Variants in UBE3C observed in about 807,000 individuals in gnomAD.
UBE3C encodes ubiquitin protein ligase E3C, also known as ubiquitin-protein ligase E3C.
In UBE3C, 42 loss-of-function variants were observed where a neutral mutation model predicts 129.4. The observed-to-expected ratio is 0.32, with a 90% CI of 0.25 to 0.42. The LOEUF is 0.42. Ranked by LOEUF, UBE3C falls within the 10% of genes least tolerant of loss-of-function variation. The pLI, the probability that UBE3C is intolerant of heterozygous loss-of-function variation, is 1.00. For synonymous variants in UBE3C, 510 were observed against 492.4 expected, an observed-to-expected ratio of 1.04 and a Z score of -0.47; for missense variants, 1,049 against 1,319.1, an observed-to-expected ratio of 0.80 and a Z score of 3.17.
At chr7:157,159,336 AC>A (rs1403539430) in intron 1 of UBE3C, among the ~76,000 whole-genome samples, 2 of 151,702 alleles carry the variant, frequency 1.3e-5, no homozygotes, top group African/African-American at 4.9e-5. Context: ...AAAAAAAAAA[AC>A]AGAATTAGGA....
In UBE3C at chr7:157,261,318, A is replaced by AGG. The variant is rs1563079248; in HGVS notation, c.3081+4274_3081+4275insGG. 3.5e-3 allele frequency among the ~76,000 whole-genome samples: 377 copies of AGG among 106,798 alleles called. 7 individuals carry two copies. Among genetic ancestry groups the AGG allele is most frequent in the African/African-American group, 0.016 (357 of 22,280 alleles). The allele number at this position is 106,798 out of a possible 152,430, so 70.1% of individuals were successfully genotyped here. ...CAAAACTCTGTCTGAAAAAAAAAAA[A>AGG]AAAAAAAAAAAAAAAAAAAAATCCC... On this transcript the variant is annotated intron_variant, in intron 22 of 22. Transcript: ENST00000348165.
At chr7:157,174,730 C>T (rs1808469016) in intron 4 of UBE3C, among the ~76,000 whole-genome samples, 189 bp from the exon 5 acceptor site, 3 of 152,152 alleles carry the variant, frequency 2.0e-5, no homozygotes, top group Admixed American at 2.0e-4. Context: ...AGACGTGAAC[C>T]ACTGTGCCTG....
chr7:157,186,749 A>T, intron 9 of UBE3C, 85 bp from the exon 10 acceptor site: 1 of 1,498,218 alleles, frequency 6.7e-7, no homozygotes, highest in Non-Finnish European at 9.1e-7. Flanking sequence ...GCCCGAAGAA[A>T]AATGTGATTT....
rs1795714483 is a variant in UBE3C at position 157,220,710 on chromosome 7, G to A, written c.1936G>A (p.Ala646Thr). The A allele has an allele frequency of 6.2e-7, 1 of 1,614,056 alleles. No individual in the cohort carries two copies. The highest frequency in any genetic ancestry group is 1.3e-5 in the African/African-American group (1 of 74,936). Residue 646 changes from alanine (A) to threonine (T), a missense_variant, in exon 15 of 23, where the codon GCA becomes ACA. Transcript: ENST00000348165. ...ACAGGTCACTCAGCTCTATGTGCCA[G>A]CATCCAGACATGTGTGGAGGTTCCG... ...ADKVTQLYVPASRHVWRFRRM... is the reference protein window; with the variant it reads ...ADKVTQLYVPTSRHVWRFRRM...
chr7:157,192,679 A>T, intron 10 of UBE3C: 1 of 773,382 alleles, frequency 1.3e-6, no homozygotes, highest in East Asian at 2.4e-5. Context: ...CTGAAGTATT[A>T]GAAGGTGGAT....
chr7:157,241,111 G>A (rs571006530), intron 18 of UBE3C, among the ~76,000 whole-genome samples: 3 of 152,232 alleles, frequency 2.0e-5, no homozygotes, highest in East Asian at 1.9e-4. Context: ...TTCTGTGCCC[G>A]GTGGTTCAAG....
chr7:157,181,268 T>G (rs1211333230), intron 6 of UBE3C, among the ~76,000 whole-genome samples: 8 of 152,256 alleles, frequency 5.3e-5, no homozygotes, highest in Non-Finnish European at 1.0e-4. Flanking sequence ...AATAATTATA[T>G]CTTAGACTTC....
intron 10 of UBE3C, among the ~76,000 whole-genome samples, chr7:157,188,405 C>T (rs1012696860): frequency 2.0e-5 from 3 of 152,174 alleles, no homozygotes; most frequent in South Asian, 2.1e-4. Context: ...TTATTACCAT[C>T]GGAGGAAGTA....
At chr7:157,228,513 T>C (rs1232264738) in intron 17 of UBE3C, among the ~76,000 whole-genome samples, 1 of 152,210 alleles carries the variant, frequency 6.6e-6, no homozygotes, top group Non-Finnish European at 1.5e-5. Context: ...TCTGCTTTTG[T>C]TGGTTGGTTA....
intron 16 of UBE3C, among the ~76,000 whole-genome samples, chr7:157,223,885 A>C (rs374260046): frequency 6.6e-6 from 1 of 152,080 alleles, no homozygotes; most frequent in Non-Finnish European, 1.5e-5. Context: ...GTGCCAGTAC[A>C]CTCCAGCCTG....
chr7:157,201,443 T>C (rs1809278620), intron 10 of UBE3C, among the ~76,000 whole-genome samples: 1 of 150,936 alleles, frequency 6.6e-6, no homozygotes, highest in Admixed American at 6.6e-5. Context: ...AAACAGCTTA[T>C]ATCTTTATCT....
In UBE3C at chr7:157,160,615, G is replaced by A. The variant is rs574756469; in HGVS notation, c.67-3195G>A. ...ATGTTTTATTACTGAGCCAGTTGAT[G>A]TCTTAGTTGGTGTCTGCAAAATTTC... On this transcript the variant is annotated intron_variant, in intron 1 of 22. Coordinates refer to ENST00000348165, the MANE Select transcript of UBE3C (RefSeq NM_014671.3). Among the ~76,000 whole-genome samples, 34 of 152,256 alleles carry A rather than the reference G, an allele frequency of 2.2e-4. No individual in the cohort carries two copies. In the South Asian group the frequency reaches 7.0e-3, roughly 32 times the overall value.
chr7:157,192,133 C>T (rs1272360084), intron 10 of UBE3C, among the ~76,000 whole-genome samples: 2 of 151,838 alleles, frequency 1.3e-5, no homozygotes, highest in Admixed American at 6.6e-5. Flanking sequence ...ATAGACTTGC[C>T]TTCGTCAGCT....
intron 11 of UBE3C, among the ~76,000 whole-genome samples, chr7:157,204,761 G>A (rs1030183759): frequency 1.3e-5 from 2 of 152,216 alleles, no homozygotes; most frequent in African/African-American, 4.8e-5. Flanking sequence ...ATAACATAGA[G>A]ATGCTTTGCC....
At chr7:157,193,994 A>T (rs796554494) in intron 10 of UBE3C, among the ~76,000 whole-genome samples, 69 of 152,328 alleles carry the variant, frequency 4.5e-4, no homozygotes, top group African/African-American at 1.5e-3. Flanking sequence ...ATAGGCACTG[A>T]ACTGATATGA....
At chr7:157,184,146 C>T in intron 9 of UBE3C, 117 bp downstream of exon 9, 10 of 1,349,302 alleles carry the variant, frequency 7.4e-6, no homozygotes, top group Non-Finnish European at 1.0e-5. Context: ...GCAGCCTTTG[C>T]AGAGAAGCCC....
chr7:157,244,296 C>G (rs1438292129), intron 18 of UBE3C, among the ~76,000 whole-genome samples: 1 of 152,184 alleles, frequency 6.6e-6, no homozygotes, highest in African/African-American at 2.4e-5. Flanking sequence ...GTTAGTTACA[C>G]AAGCCCCTAG....
At chr7:157,161,539 C>G (rs1808071168) in intron 1 of UBE3C, among the ~76,000 whole-genome samples, 1 of 151,786 alleles carries the variant, frequency 6.6e-6, no homozygotes, top group Non-Finnish European at 1.5e-5. Flanking sequence ...GCAGCCTCAG[C>G]CTCCCCAGTT....
chr7:157,220,531 T>C, intron 14 of UBE3C, 158 bp from the exon 15 acceptor site: 1 of 635,642 alleles, frequency 1.6e-6, no homozygotes, highest in Non-Finnish European at 2.6e-6. Context: ...AGAGAGGACC[T>C]GAAAAGGTAA....
Sources: allele counts gnomAD v4.1 joint callset (sites outside exome capture counted in the v4.1 genomes callset), GRCh38; gene constraint gnomAD v4.1.1; transcripts MANE v1.5; gene names NCBI Gene and HGNC (gene_info 2026-07-23, HGNC 2026-07-21).